SNX8: variants seen among roughly 807,000 people sequenced by gnomAD.
SNX8 encodes sorting nexin-8.
A neutral mutation model predicts 51.6 loss-of-function variants in SNX8; 25 were observed. That is an observed-to-expected ratio of 0.48 (90% CI 0.35 to 0.68). The LOEUF (loss-of-function observed/expected upper bound fraction) is 0.68, where lower values mean the gene tolerates loss of function less well. SNX8 is among the 30% of genes least tolerant of loss of function. The pLI is 0.00. For synonymous variants in SNX8, 324 were observed against 277.0 expected (o/e 1.17, Z -1.68); for missense variants, 695 against 624.0 (o/e 1.11, Z -1.21).
At chr7:2,301,547 T>A (rs374571159) in intron 1 of SNX8, among the ~76,000 whole-genome samples, 2 of 152,200 alleles carry the variant, frequency 1.3e-5, no homozygotes, top group African/African-American at 4.8e-5. Context: ...AGAGGCAGTG[T>A]TGCACTCATA....
In SNX8 at chr7:2,263,371, G is replaced by A; in HGVS notation, c.783-9C>T. On this transcript the variant is annotated splice_polypyrimidine_tract_variant and intron_variant, in intron 6 of 10. Coordinates refer to ENST00000222990, the MANE Select transcript of SNX8 (RefSeq NM_013321.4). ...TGTCAGACCCTATTGCACTGAGGGA[G>A]CAAGCACACAGGAGAGGAGACACTC... 3 of 1,586,380 alleles carry A rather than the reference G, an allele frequency of 1.9e-6. No homozygotes were observed. Among genetic ancestry groups the A allele is most frequent in the Non-Finnish European group, 2.6e-6 (3 of 1,166,154 alleles).
At chr7:2,327,916 G>A (rs1778655872) in intron 1 of SNX8, among the ~76,000 whole-genome samples, 1 of 152,030 alleles carries the variant, frequency 6.6e-6, no homozygotes, top group African/African-American at 2.4e-5. Context: ...AGGCTGGAGT[G>A]CAGCGGCACG....
At chr7:2,350,609 G>T (rs1308208034) in intron 1 of SNX8, among the ~76,000 whole-genome samples, 4 of 152,026 alleles carry the variant, frequency 2.6e-5, no homozygotes, top group Non-Finnish European at 5.9e-5. Context: ...TTCAAGACCA[G>T]CTTGGGCTAA....
chr7:2,332,328 C>T (rs1778751727), intron 1 of SNX8, among the ~76,000 whole-genome samples: 3 of 152,162 alleles, frequency 2.0e-5, no homozygotes, highest in Admixed American at 1.3e-4. Flanking sequence ...AGGACGTCAG[C>T]TCTTCCCAAA....
intron 1 of SNX8, among the ~76,000 whole-genome samples, chr7:2,322,119 C>T (rs1006796749): frequency 1.3e-5 from 2 of 152,156 alleles, no homozygotes; most frequent in African/African-American, 4.8e-5. Context: ...TAGTGCTTTT[C>T]ATTTAGGAAA....
intron 8 of SNX8, 25 bp from the exon 9 acceptor site, chr7:2,257,539 C>G (rs1323872954): frequency 6.3e-7 from 1 of 1,599,448 alleles, no homozygotes; most frequent in Non-Finnish European, 8.5e-7. Flanking sequence ...GAGGCATTCG[C>G]CCGCTGTCTG....
intron 5 of SNX8, among the ~76,000 whole-genome samples, chr7:2,266,015 G>A (rs1795453641): frequency 6.6e-6 from 1 of 152,208 alleles, no homozygotes; most frequent in Non-Finnish European, 1.5e-5. Context: ...ATTCTGGGAG[G>A]CTGAAGTGGG....
At position 2,269,535 on chromosome 7, in the gene SNX8, A is replaced by G. The variant is rs199642173; in HGVS notation, c.621+24T>C. ...TAAAAAAATAAATTAAAAAAAAAAAAAAAGAAAAAAAAAAGAAAAATACCT... is the reference window on the plus strand; with the variant it reads ...TAAAAAAATAAATTAAAAAAAAAAAGAAAGAAAAAAAAAAGAAAAATACCT... On this transcript the variant is annotated intron_variant, in intron 5 of 10. Coordinates refer to ENST00000222990, the MANE Select transcript of SNX8 (RefSeq NM_013321.4). 611 of 1,411,164 alleles carry G rather than the reference A, an allele frequency of 4.3e-4. 3 individuals are homozygous for G. In the East Asian group the frequency reaches 0.014, roughly 31 times the overall value. 87.4% of individuals were successfully genotyped at this position (1,411,164 alleles called of 1,614,324 possible).
At chr7:2,268,115 G>C (rs76030275) in intron 5 of SNX8, among the ~76,000 whole-genome samples, 3 of 143,760 alleles carry the variant, frequency 2.1e-5, no homozygotes, top group Middle Eastern at 3.8e-3. Context: ...GGAGGGAGGT[G>C]GGGGGGTCAG....
intron 1 of SNX8, among the ~76,000 whole-genome samples, chr7:2,302,056 C>CA (rs1427646237): frequency 3.3e-5 from 5 of 152,080 alleles, no homozygotes; most frequent in African/African-American, 1.2e-4. Flanking sequence ...TCCTGGCTAA[C>CA]ACGGTGAAAC....
At chr7:2,300,015 G>T (rs921868168) in intron 1 of SNX8, among the ~76,000 whole-genome samples, 1 of 152,172 alleles carries the variant, frequency 6.6e-6, no homozygotes, top group Non-Finnish European at 1.5e-5. Flanking sequence ...AACAAGGAAC[G>T]CAATTAATCA....
rs569441602 is a variant in SNX8, at chr7:2,329,011, G to A, written c.-66+25211C>T. On this transcript the variant is annotated intron_variant, in intron 1 of 5. Transcript: ENST00000435336. The stretch of plus-strand genomic sequence containing the variant: ...TGAGGCAGGAGAATCATGTGAACCC[G>A]GGAGGCAGAGCTTGCAGTGAGCCGA... Among the ~76,000 whole-genome samples the A allele has an allele frequency of 1.1e-4, 16 of 151,582 alleles. No homozygotes were observed. The South Asian group carries it at 2.3e-3, about 22-fold the overall frequency.
chr7:2,304,277 G>C (rs1796491081), intron 1 of SNX8, among the ~76,000 whole-genome samples: 1 of 152,094 alleles, frequency 6.6e-6, no homozygotes, highest in Non-Finnish European at 1.5e-5. Flanking sequence ...GGGCACGGCA[G>C]CTCACGCCTG....
intron 1 of SNX8, among the ~76,000 whole-genome samples, chr7:2,304,358 C>T (rs1434197426): frequency 2.7e-5 from 4 of 150,380 alleles, no homozygotes; most frequent in Non-Finnish European, 4.4e-5. Context: ...TCCTGGCTAA[C>T]AGGGTGAAAC....
chr7:2,334,775 A>G (rs1216319496), intron 1 of SNX8, among the ~76,000 whole-genome samples: 1 of 148,938 alleles, frequency 6.7e-6, no homozygotes, highest in East Asian at 2.0e-4. Context: ...AGGCTGAGGC[A>G]GGAGGATCAC....
At chr7:2,342,094 G>C (rs1188391275) in intron 1 of SNX8, among the ~76,000 whole-genome samples, 2 of 149,764 alleles carry the variant, frequency 1.3e-5, no homozygotes, top group Non-Finnish European at 3.0e-5. Context: ...AAGGAGAATC[G>C]CTTGCATCTG....
chr7:2,349,381 T>C (rs1184024715), intron 1 of SNX8, among the ~76,000 whole-genome samples: 2 of 152,038 alleles, frequency 1.3e-5, no homozygotes, highest in Non-Finnish European at 2.9e-5. Context: ...TTAAGTGTTA[T>C]ATTTTTAAAT....
intron 1 of SNX8, among the ~76,000 whole-genome samples, chr7:2,324,717 T>C (rs60906544): frequency 0.02 from 3,103 of 152,292 alleles, 103 homozygotes; most frequent in African/African-American, 0.069. Flanking sequence ...AGAGCTGAGA[T>C]CCTAGCCTAG....
intron 1 of SNX8, among the ~76,000 whole-genome samples, chr7:2,330,138 C>CT (rs71023396): frequency 0.024 from 2,567 of 107,046 alleles, 87 homozygotes; most frequent in African/African-American, 0.071. Context: ...GCCCTTTTTT[C>CT]TTTTTTTTTT....
Sources: allele counts gnomAD v4.1 joint callset (sites outside exome capture counted in the v4.1 genomes callset), GRCh38; gene constraint gnomAD v4.1.1; transcripts MANE v1.5; gene names NCBI Gene and HGNC (gene_info 2026-07-23, HGNC 2026-07-21).